Variants in LRPPRC observed in about 807,000 individuals in gnomAD.
The protein encoded by LRPPRC is leucine-rich PPR motif-containing protein, mitochondrial.
LRPPRC carries 120 observed loss-of-function variants against 180.3 expected under a neutral mutation model. That is an observed-to-expected ratio of 0.67 (90% CI 0.57 to 0.77). The LOEUF (loss-of-function observed/expected upper bound fraction) is 0.77. Among genes scored for constraint, LRPPRC ranks in the 30% least tolerant of loss-of-function variants. The pLI is 0.00. For synonymous variants in LRPPRC, 723 were observed against 600.0 expected (o/e 1.21, Z -3.00); for missense variants, 2,012 against 1,657.2 (o/e 1.21, Z -3.72).
chr2:43,974,830 ATCC>A, intron 7 of LRPPRC, 72 bp from the exon 8 acceptor site: 1 of 1,469,536 alleles, frequency 6.8e-7, no homozygotes, highest in South Asian at 1.2e-5. Flanking sequence ...TAAATAAAAT[ATCC>A]AGATTCAAAA....
chr2:43,987,271 A>G (rs1674567825), intron 1 of LRPPRC, among the ~76,000 whole-genome samples: 1 of 152,054 alleles, frequency 6.6e-6, no homozygotes, highest in African/African-American at 2.4e-5. Context: ...CGAGGCGGGC[A>G]GATCACGAGG....
intron 32 of LRPPRC, 119 bp from the exon 33 acceptor site, chr2:43,899,724 T>C (rs1364247330): frequency 1.4e-6 from 1 of 692,370 alleles, no homozygotes; most frequent in South Asian, 1.7e-5. Flanking sequence ...AAAAATGAAA[T>C]ACATTTACAC....
chr2:43,890,283 G>C, intron 36 of LRPPRC: 1 of 459,888 alleles, frequency 2.2e-6, no homozygotes, highest in South Asian at 1.6e-5. Context: ...AACTGTTGTG[G>C]AGAGGGACAT....
chr2:43,924,980 TG>T, intron 27 of LRPPRC, 86 bp downstream of exon 27: 2 of 816,138 alleles, frequency 2.5e-6, no homozygotes, highest in East Asian at 2.4e-5. Context: ...TGACAATCCC[TG>T]GAGCTCCCTC....
chr2:43,925,296 G>C (rs1671837070), intron 26 of LRPPRC, 139 bp from the exon 27 acceptor site: 1 of 702,310 alleles, frequency 1.4e-6, no homozygotes, highest in African/African-American at 1.7e-5. Flanking sequence ...AATGGGCTGA[G>C]CACAACAATA....
intron 31 of LRPPRC, chr2:43,903,413 C>CT (rs1311867357): frequency 6.6e-6 from 1 of 152,000 alleles, no homozygotes; most frequent in Non-Finnish European, 1.5e-5. Flanking sequence ...AAAAGGAAAC[C>CT]TAAAAGAAAG....
chr2:43,898,071 T>TAAAAAAAAAAAAA (rs61550367), intron 34 of LRPPRC, among the ~76,000 whole-genome samples: 1 of 115,952 alleles, frequency 8.6e-6, no homozygotes, highest in Non-Finnish European at 1.8e-5. Flanking sequence ...TCCTTAAAAT[T>TAAAAAAAAAAAAA]AAAAAAAAAA....
intron 12 of LRPPRC, among the ~76,000 whole-genome samples, chr2:43,962,063 C>T (rs1181388820): frequency 6.6e-6 from 1 of 152,114 alleles, no homozygotes; most frequent in Non-Finnish European, 1.5e-5. Flanking sequence ...ACTGAAATTC[C>T]AGCAATGAAG....
At chr2:43,982,903 G>A (rs1213228851) in intron 1 of LRPPRC, among the ~76,000 whole-genome samples, 1 of 150,260 alleles carries the variant, frequency 6.7e-6, no homozygotes, top group African/African-American at 2.4e-5. Context: ...TTTAAAAGAA[G>A]ACCAATGTCC....
At chr2:43,924,992 A>C in intron 27 of LRPPRC, 75 bp downstream of exon 27, 1 of 911,656 alleles carries the variant, frequency 1.1e-6, no homozygotes, top group Non-Finnish European at 1.8e-6. Context: ...GAGCTCCCTC[A>C]AAACCAAATA....
At chr2:43,947,802 G>C in intron 18 of LRPPRC, 27 bp from the exon 19 acceptor site, 1 of 1,484,070 alleles carries the variant, frequency 6.7e-7, no homozygotes, top group Non-Finnish European at 9.4e-7. Context: ...AATTAGCCCA[G>C]AATTAGAAAA....
At chr2:43,946,863 G>C (rs765857728) in intron 20 of LRPPRC, among the ~76,000 whole-genome samples, 3 of 152,030 alleles carry the variant, frequency 2.0e-5, no homozygotes, top group East Asian at 1.9e-4. Flanking sequence ...CTCAGAAAGA[G>C]CTTTTTTCCA....
intron 11 of LRPPRC, among the ~76,000 whole-genome samples, chr2:43,965,090 C>G (rs1673498478): frequency 6.6e-6 from 1 of 152,186 alleles, no homozygotes. Flanking sequence ...CAACCTCCAC[C>G]TCCCGGGTTC....
At chr2:43,985,440 A>C (rs1674488704) in intron 1 of LRPPRC, among the ~76,000 whole-genome samples, 2 of 152,214 alleles carry the variant, frequency 1.3e-5, no homozygotes, top group Non-Finnish European at 2.9e-5. Flanking sequence ...ACAGTATCAT[A>C]CAAAATAATT....
Position 43,888,163 on chromosome 2 carries a change from C to G in LRPPRC, c.*437G>C. On this transcript the variant is annotated 3_prime_UTR_variant, in exon 38 of 38. Transcript: ENST00000260665. ...AAAGTTCGAAAGTTATGCAGGACTTCACACATGTACGGAATGGCTGTATCA... is the reference window on the plus strand; with the variant it reads ...AAAGTTCGAAAGTTATGCAGGACTTGACACATGTACGGAATGGCTGTATCA... 1 of 200,770 alleles carries G rather than the reference C, an allele frequency of 5.0e-6. No homozygotes were observed. The highest frequency in any genetic ancestry group is 1.0e-5 in the Non-Finnish European group (1 of 98,366). The allele number at this position is 200,770 out of a possible 1,614,324, so 12.4% of individuals were successfully genotyped here.
Position 43,934,190 on chromosome 2 carries a change from C to T in LRPPRC, c.2736G>A (p.Glu912=). The change falls in exon 25 of 38, where the codon GAG becomes GAA. Residue 912 remains glutamate (E), a splice_region_variant and synonymous_variant. Coordinates refer to ENST00000260665, the MANE Select transcript of LRPPRC (RefSeq NM_133259.4). ...GNYKEAKKII[E]TPGIRARSAR... Reference sequence around the variant, plus strand: ...TAGAACACTGTAGTTAAAATCACACCTCAATGATCTTCTTGGCCTCTTTGT... The same window carrying T: ...TAGAACACTGTAGTTAAAATCACACTTCAATGATCTTCTTGGCCTCTTTGT... 1.3e-6 allele frequency: 2 copies of T among 1,557,060 alleles called. No homozygotes were observed. Among genetic ancestry groups the T allele is most frequent in the South Asian group, 2.2e-5 (2 of 89,726 alleles).
At chr2:43,982,984 T>C (rs1559057851) in intron 1 of LRPPRC, among the ~76,000 whole-genome samples, 2 of 152,094 alleles carry the variant, frequency 1.3e-5, no homozygotes. Context: ...TCTGTCTAAA[T>C]AAAGTTGAAA....
chr2:43,914,599 G>T (rs533229924), intron 29 of LRPPRC, among the ~76,000 whole-genome samples: 1 of 151,880 alleles, frequency 6.6e-6, no homozygotes, highest in Non-Finnish European at 1.5e-5. Flanking sequence ...GTGGTGGGGG[G>T]TGCCTGTAAT....
intron 11 of LRPPRC, among the ~76,000 whole-genome samples, chr2:43,971,485 TAAAAAAAA>T (rs528659622): frequency 1.6e-5 from 1 of 62,418 alleles, no homozygotes; most frequent in African/African-American, 7.9e-5. Context: ...TGTGTCACAG[TAAAAAAAA>T]AAAAAAAAAA....
Sources: gnomAD v4.1 joint callset for allele counts (sites outside exome capture counted in the v4.1 genomes callset) on GRCh38, gnomAD v4.1.1 for gene constraint, MANE v1.5 for transcripts, NCBI Gene and HGNC (gene_info 2026-07-23, HGNC 2026-07-21) for gene names.